The following GRIA3 variants were observed in gnomAD, a reference collection of about 807,000 sequenced individuals.
GRIA3 encodes glutamate receptor 3.
Under a neutral mutation model 63.0 loss-of-function variants are expected in GRIA3, and 3 were observed. That is an observed-to-expected ratio of 0.05 (90% CI 0.02 to 0.12). The LOEUF (loss-of-function observed/expected upper bound fraction) is 0.12, where lower values mean the gene tolerates loss of function less well. Ranked by LOEUF, GRIA3 falls within the 10% of genes least tolerant of loss-of-function variation. The pLI, the probability that GRIA3 is intolerant of heterozygous loss-of-function variation, is 1.00. For missense variants in GRIA3, 347 were observed against 700.9 expected, an observed-to-expected ratio of 0.50 and a Z score of 5.70; for synonymous variants, 274 against 257.9, an observed-to-expected ratio of 1.06 and a Z score of -0.60.
At chrX:123,285,929 C>A (rs914570036) in intron 3 of GRIA3, among the ~76,000 whole-genome samples, 26 of 111,708 alleles carry the variant, frequency 2.3e-4, no homozygotes, top group African/African-American at 8.1e-4. Context: ...TAATAGAAAT[C>A]TACAGAACTC....
At chrX:123,357,430 AT>A (rs1465986602) in intron 5 of GRIA3, among the ~76,000 whole-genome samples, 4 of 105,318 alleles carry the variant, frequency 3.8e-5, no homozygotes, top group African/African-American at 7.0e-5. Flanking sequence ...AAACTTTTTT[AT>A]TTTTTTTATT....
In GRIA3 at chrX:123,490,614, G is replaced by A. The variant is rs1403612542; in HGVS notation, c.*1904G>A. ...GGAAACGTCACTGAGATGAAGAGGC[G>A]GGTAAATTGGTTTGTTATTTTTTAA... On this transcript the variant is annotated 3_prime_UTR_variant, in exon 16 of 16. Coordinates refer to ENST00000620443, the MANE Select transcript of GRIA3 (RefSeq NM_007325.5). 6.3e-5 allele frequency: 7 copies of A among 111,965 alleles called. No individual in the cohort carries two copies. Among genetic ancestry groups the A allele is most frequent in the Non-Finnish European group, 9.4e-5 (5 of 53,118 alleles). The allele number at this position is 111,965 out of a possible 1,213,427, so 9.2% of individuals were successfully genotyped here.
At chrX:123,435,396 A>G (rs1379403067) in intron 12 of GRIA3, among the ~76,000 whole-genome samples, 5 of 112,228 alleles carry the variant, frequency 4.5e-5, no homozygotes, top group Non-Finnish European at 9.4e-5. Context: ...CAGAACAAGT[A>G]TCATTACACC....
At chrX:123,295,228 T>C (rs1174819526) in intron 3 of GRIA3, among the ~76,000 whole-genome samples, 3 of 111,823 alleles carry the variant, frequency 2.7e-5, no homozygotes, top group Non-Finnish European at 5.7e-5. Flanking sequence ...GCCTTGTTTC[T>C]CCTTCATTAC....
At chrX:123,302,017 A>G (rs746224769) in intron 3 of GRIA3, among the ~76,000 whole-genome samples, 2 of 112,107 alleles carry the variant, frequency 1.8e-5, no homozygotes, top group African/African-American at 3.2e-5. Context: ...TGACCAGACA[A>G]AAGTAAGGGA....
chrX:123,379,897 G>A (rs2045312393), intron 5 of GRIA3, among the ~76,000 whole-genome samples: 2 of 103,982 alleles, frequency 1.9e-5, no homozygotes, highest in African/African-American at 7.1e-5. Context: ...TGCGGTGTTT[G>A]GTTTTCTGTC....
At chrX:123,250,938 A>G (rs949185468) in intron 2 of GRIA3, among the ~76,000 whole-genome samples, 1 of 111,992 alleles carries the variant, frequency 8.9e-6, no homozygotes, top group African/African-American at 3.2e-5. Flanking sequence ...TTTTAATAAC[A>G]TTATTGGATT....
At chrX:123,258,637 G>A (rs1255482100) in intron 3 of GRIA3, among the ~76,000 whole-genome samples, 4 of 111,621 alleles carry the variant, frequency 3.6e-5, no homozygotes, top group Non-Finnish European at 1.9e-5. Context: ...TGGCTTCAAT[G>A]GGCACAGCCC....
chrX:123,373,329 T>C (rs184447473), intron 5 of GRIA3, among the ~76,000 whole-genome samples: 105 of 112,025 alleles, frequency 9.4e-4, no homozygotes, highest in East Asian at 5.6e-4. Context: ...TAAACATATG[T>C]GTGCATGTGT....
chrX:123,427,013 A>C (rs1207968599), intron 11 of GRIA3, among the ~76,000 whole-genome samples: 1 of 111,531 alleles, frequency 9.0e-6, no homozygotes, highest in Non-Finnish European at 1.9e-5. Flanking sequence ...CTTCACTTGG[A>C]GTCTGCCCTG....
intron 2 of GRIA3, among the ~76,000 whole-genome samples, chrX:123,233,378 G>C (rs903234523): frequency 8.9e-6 from 1 of 111,835 alleles, no homozygotes; most frequent in Non-Finnish European, 1.9e-5. Context: ...TCACATCCTA[G>C]CTCTGACATA....
At chrX:123,298,046 G>C (rs1004973750) in intron 3 of GRIA3, among the ~76,000 whole-genome samples, 1 of 111,039 alleles carries the variant, frequency 9.0e-6, no homozygotes, top group African/African-American at 3.3e-5. Flanking sequence ...CTCCTCAAAG[G>C]ACACGATTTT....
chrX:123,463,700 A>AGAGAGAG (rs1569440914), intron 12 of GRIA3, among the ~76,000 whole-genome samples: 1 of 71,136 alleles, frequency 1.4e-5, no homozygotes, highest in Non-Finnish European at 2.5e-5. Context: ...GAAAGAAAGA[A>AGAGAGAG]AAAGAAAGAA....
intron 13 of GRIA3, among the ~76,000 whole-genome samples, chrX:123,468,819 T>A (rs2045848131): frequency 8.9e-6 from 1 of 112,393 alleles, no homozygotes; most frequent in African/African-American, 3.2e-5. Context: ...TATACCATCA[T>A]TTCACAGAGA....
At chrX:123,264,704 T>C (rs948532722) in intron 3 of GRIA3, among the ~76,000 whole-genome samples, 4 of 112,167 alleles carry the variant, frequency 3.6e-5, no homozygotes, top group African/African-American at 1.3e-4. Context: ...AGAGATGTTG[T>C]CTTGGGCTAT....
At chrX:123,207,917 G>C (rs1301855268) in intron 2 of GRIA3, among the ~76,000 whole-genome samples, 1 of 111,972 alleles carries the variant, frequency 8.9e-6, no homozygotes, top group Admixed American at 9.5e-5. Flanking sequence ...CAACAGGTCA[G>C]GTCACCTGGC....
chrX:123,189,158 A>G (rs1927357252), intron 2 of GRIA3, among the ~76,000 whole-genome samples: 1 of 112,268 alleles, frequency 8.9e-6, no homozygotes. Context: ...GATTTGAAGC[A>G]CATGTTCCCA....
At chrX:123,365,581 A>G (rs1003518672) in intron 5 of GRIA3, among the ~76,000 whole-genome samples, 1 of 111,709 alleles carries the variant, frequency 9.0e-6, no homozygotes, top group African/African-American at 3.3e-5. Context: ...TATTTTAGGA[A>G]GGTAAATTTA....
chrX:123,289,420 TAA>T (rs111359323), intron 3 of GRIA3, among the ~76,000 whole-genome samples: 2 of 99,079 alleles, frequency 2.0e-5, no homozygotes, highest in Admixed American at 1.1e-4. Flanking sequence ...AAGTATAATT[TAA>T]AAAAAATATA....
Sources: gnomAD v4.1 joint callset for allele counts (sites outside exome capture counted in the v4.1 genomes callset) on GRCh38, gnomAD v4.1.1 for gene constraint, MANE v1.5 for transcripts, NCBI Gene and HGNC (gene_info 2026-07-23, HGNC 2026-07-21) for gene names.